Variants in ATXN2 observed in about 807,000 individuals in gnomAD.
ATXN2 encodes ataxin-2.
In ATXN2, 37 loss-of-function variants were observed where a neutral mutation model predicts 138.6. That is an observed-to-expected ratio of 0.27 (90% confidence interval 0.21 to 0.35). The LOEUF is 0.35. ATXN2 is among the 10% of genes least tolerant of loss of function. The pLI is 1.00. For missense variants in ATXN2, 1,216 were observed against 1,480.3 expected, an observed-to-expected ratio of 0.82 and a Z score of 2.93; for synonymous variants, 549 against 543.7, an observed-to-expected ratio of 1.01 and a Z score of -0.13.
chr12:111,552,027 G>A lies in ATXN2; in HGVS notation c.571+253C>T, dbSNP rs750146717. On this transcript the variant is annotated intron_variant, in intron 5 of 24. Transcript: ENST00000673436. The surrounding 1 kb of genome is among the most constrained non-coding windows in gnomAD (Gnocchi z 4.1). ...CTAGTAGCTAGGACTATAGGCGCAC[G>A]CCACCACACACAAAAATAAATTTTT... is the stretch of plus-strand genomic sequence containing the variant. Among the ~76,000 whole-genome samples the A allele has an allele frequency of 2.6e-5, 4 of 151,846 alleles. No homozygotes were observed. The highest frequency in any genetic ancestry group is 4.4e-5 in the Non-Finnish European group (3 of 67,980).
chr12:111,536,560 G>T (rs558737810), intron 5 of ATXN2, among the ~76,000 whole-genome samples: 1 of 152,206 alleles, frequency 6.6e-6, no homozygotes, highest in African/African-American at 2.4e-5. Flanking sequence ...AAATGATACA[G>T]CCACTATGCC....
In ATXN2 at chr12:111,525,320, C is replaced by G. The variant is rs373284416; in HGVS notation, c.572-4G>C. On this transcript the variant is annotated splice_region_variant and splice_polypyrimidine_tract_variant and intron_variant, in intron 5 of 24. Transcript: ENST00000673436. The stretch of plus-strand genomic sequence containing the variant: ...ATAGCAGAGTCAGTAAAAGCATCTG[C>G]AAAGAATGGTTTTGGTTGAAAGTTT... 3.2e-6 allele frequency: 5 copies of G among 1,568,288 alleles called. No individual in the cohort carries two copies. The African/African-American group carries it at 6.8e-5, about 21-fold the overall frequency.
Position 111,598,845 on chromosome 12 carries a change from C to T in ATXN2, c.190G>A (p.Ala64Thr). ...PSSSSVSSSSATAPSSVVAAT... is the reference protein window; with the variant it reads ...PSSSSVSSSSTTAPSSVVAAT... Reference sequence around the variant, plus strand: ...GCGACCACCGAGGAGGGAGCCGTGGCCGAGGACGAGGAGACCGAGGACGAG... The same window carrying T: ...GCGACCACCGAGGAGGGAGCCGTGGTCGAGGACGAGGAGACCGAGGACGAG... The change falls in exon 1 of 25, where the codon GCC becomes ACC. Residue 64 changes from alanine to threonine, a missense_variant. Transcript: ENST00000673436. The surrounding 1 kb of genome is among the most constrained non-coding windows in gnomAD (Gnocchi z 4.5). 1 of 1,472,470 alleles carries T rather than the reference C, an allele frequency of 6.8e-7. No homozygotes were observed. Among genetic ancestry groups the T allele is most frequent in the Non-Finnish European group, 8.9e-7 (1 of 1,117,944 alleles). 91.2% of individuals were successfully genotyped at this position (1,472,470 alleles called of 1,614,324 possible). A position where few individuals can be genotyped will look rare whatever the true frequency, so the allele number is the denominator to read the frequency against.
intron 12 of ATXN2, 45 bp downstream of exon 12, chr12:111,510,340 A>T (rs759166813): frequency 5.7e-6 from 9 of 1,576,000 alleles, no homozygotes; most frequent in Non-Finnish European, 3.5e-6. Flanking sequence ...CTAACATTCA[A>T]TTTCACAGCT....
intron 1 of ATXN2, chr12:111,581,894 T>A (rs981869961): frequency 1.2e-5 from 3 of 245,946 alleles, no homozygotes; most frequent in African/African-American, 6.8e-5. Flanking sequence ...CAGCCGTTTA[T>A]CCTCACACAC....
intron 16 of ATXN2, among the ~76,000 whole-genome samples, 168 bp downstream of exon 16, chr12:111,486,593 T>A (rs1398989127): frequency 6.6e-6 from 1 of 152,016 alleles, no homozygotes; most frequent in Non-Finnish European, 1.5e-5. Flanking sequence ...AACAAAGACC[T>A]TTTTTTAATG....
intron 1 of ATXN2, among the ~76,000 whole-genome samples, chr12:111,565,899 G>C (rs1335186430): frequency 6.6e-6 from 1 of 152,050 alleles, no homozygotes; most frequent in East Asian, 1.9e-4. Flanking sequence ...AGTAAGCTGA[G>C]GCACGAGAAT....
intron 21 of ATXN2, chr12:111,461,282 C>CA (rs1309133677): frequency 1.3e-5 from 2 of 151,994 alleles, no homozygotes; most frequent in Non-Finnish European, 2.9e-5. Context: ...CCAGCTTGGC[C>CA]AACACGGCGA....
At position 111,525,306 on chromosome 12, in the gene ATXN2, A is replaced by G. The variant is rs917591744; in HGVS notation, c.582T>C (p.Thr194=). The G allele has an allele frequency of 1.3e-6, 2 of 1,587,848 alleles. No homozygotes were observed. The highest frequency in any genetic ancestry group is 1.7e-6 in the Non-Finnish European group (2 of 1,170,376). The change falls in exon 6 of 25, where the codon ACT becomes ACC. Residue 194 remains threonine (T), a synonymous_variant. Coordinates refer to ENST00000673436, the MANE Select transcript of ATXN2 (RefSeq NM_001372574.1). ...DSSYAKRDAF[T]DSAISAKVNG... ...TCACTTTAGCACTGATAGCAGAGTC[A>G]GTAAAAGCATCTGCAAAGAATGGTT...
chr12:111,532,437 A>C (rs1880888263), intron 5 of ATXN2, among the ~76,000 whole-genome samples: 1 of 152,158 alleles, frequency 6.6e-6, no homozygotes. Context: ...CTGAGACTGC[A>C]CCACTGCACT....
intron 23 of ATXN2, chr12:111,454,961 C>A: frequency 2.9e-6 from 2 of 684,192 alleles, no homozygotes; most frequent in Non-Finnish European, 5.4e-6. Flanking sequence ...AAAAGCAAAT[C>A]AACTGCAGTG....
Position 111,552,369 on chromosome 12 carries a change from C to T in ATXN2, c.482G>A (p.Arg161His), listed in dbSNP as rs1051375712. 5 of 1,613,850 alleles carry T rather than the reference C, an allele frequency of 3.1e-6. No homozygotes were observed. The Admixed American group carries it at 5.0e-5, about 16-fold the overall frequency. ...CAAAATACTCTCCATTATTTCTTCA[C>T]GTTTCGGCCCCGAACTGGATTCTGT... is the stretch of plus-strand genomic sequence containing the variant. ...KSTESSSGPK[R>H]EEIMESILFK... The change falls in exon 5 of 25, where the codon CGT (arginine) becomes CAT (histidine). Residue 161 changes from arginine (R) to histidine (H), a missense_variant. Transcript: ENST00000673436. The surrounding 1 kb of genome is among the most constrained non-coding windows in gnomAD (Gnocchi z 4.1).
chr12:111,540,365 T>C lies in ATXN2; in HGVS notation c.571+11915A>G, dbSNP rs1038372961. Among the ~76,000 whole-genome samples, 5 of 150,590 alleles carry C rather than the reference T, an allele frequency of 3.3e-5. 1 individual carries two copies. Among genetic ancestry groups the C allele is most frequent in the South Asian group, 2.1e-4 (1 of 4,768 alleles). On this transcript the variant is annotated intron_variant, in intron 5 of 24. Coordinates refer to ENST00000673436, the MANE Select transcript of ATXN2 (RefSeq NM_001372574.1). ...CATTACTTACCTATTCTTTACCTAATAGAGAGTTTAAGAATGCTACTTGTT... is the reference window on the plus strand; with the variant it reads ...CATTACTTACCTATTCTTTACCTAACAGAGAGTTTAAGAATGCTACTTGTT...
intron 1 of ATXN2, among the ~76,000 whole-genome samples, chr12:111,596,246 A>ACACAC (rs1592942289): frequency 2.7e-5 from 4 of 148,558 alleles, no homozygotes; most frequent in Admixed American, 6.7e-5. Context: ...ACACACACAC[A>ACACAC]AAATTAGATT....
chr12:111,469,954 C>G (rs1453810722), intron 20 of ATXN2, 154 bp downstream of exon 20: 3 of 875,866 alleles, frequency 3.4e-6, no homozygotes. Context: ...AGTTATAAAG[C>G]AAGTCAGGCA....
At chr12:111,500,464 T>C (rs1878691690) in intron 14 of ATXN2, among the ~76,000 whole-genome samples, 1 of 151,728 alleles carries the variant, frequency 6.6e-6, no homozygotes, top group African/African-American at 2.4e-5. Flanking sequence ...TTGGGAAGGG[T>C]AATGGGGAGA....
At chr12:111,520,748 A>T (rs1391715521) in intron 7 of ATXN2, 134 bp downstream of exon 7, 2 of 568,478 alleles carry the variant, frequency 3.5e-6, no homozygotes, top group Non-Finnish European at 5.9e-6. Flanking sequence ...AATTTATCAC[A>T]GTTGGTAATA....
intron 6 of ATXN2, among the ~76,000 whole-genome samples, chr12:111,524,798 C>T (rs1009296513): frequency 2.6e-5 from 4 of 152,330 alleles, no homozygotes; most frequent in Non-Finnish European, 4.4e-5. Context: ...AAATGTCCTA[C>T]TTCAACCTCT....
At chr12:111,581,480 C>T in intron 1 of ATXN2, 4 of 967,256 alleles carry the variant, frequency 4.1e-6, no homozygotes, top group East Asian at 2.5e-5. Context: ...GCTGGGGGCA[C>T]CCCACAACCC....
Sources: allele counts gnomAD v4.1 joint callset (sites outside exome capture counted in the v4.1 genomes callset), GRCh38; gene constraint gnomAD v4.1.1; non-coding constraint Gnocchi (gnomAD v3.1); transcripts MANE v1.5; gene names NCBI Gene and HGNC (gene_info 2026-07-23, HGNC 2026-07-21).